The following TNNT3 variants were observed in gnomAD, a reference collection of about 807,000 sequenced individuals.
TNNT3 encodes the protein troponin T3, fast skeletal type.
In TNNT3, 36 loss-of-function variants were observed where a neutral mutation model predicts 54.2. The ratio of observed to expected loss-of-function variants is 0.66; its 90% CI spans 0.51 to 0.88. The LOEUF is 0.88. Ranked by LOEUF, TNNT3 falls within the 40% of genes least tolerant of loss-of-function variation. The pLI, the probability that TNNT3 is intolerant of heterozygous loss-of-function variation, is 0.00. For synonymous variants in TNNT3, 120 were observed against 109.7 expected, an observed-to-expected ratio of 1.09 and a Z score of -0.59; for missense variants, 291 against 331.6, an observed-to-expected ratio of 0.88 and a Z score of 0.95.
At chr11:1,928,083 AG>A (rs1485114002) in intron 6 of TNNT3, 1 of 153,314 alleles carries the variant, frequency 6.5e-6, no homozygotes, top group Admixed American at 6.5e-5. Context: ...ACCCCAGGCC[AG>A]GCACTGGCAA....
At position 1,926,592 on chromosome 11, in the gene TNNT3, T is replaced by A; in HGVS notation, c.68-103T>A. Reference sequence around the variant, plus strand: ...ACCCTGCACAGCCTGGCCTGCTCGCTCCGCCGCCTCGGCCCTGCCCGCCCT... The same window carrying A: ...ACCCTGCACAGCCTGGCCTGCTCGCACCGCCGCCTCGGCCCTGCCCGCCCT... On this transcript the variant is annotated intron_variant, in intron 5 of 15. Coordinates refer to ENST00000278317, the MANE Select transcript of TNNT3 (RefSeq NM_006757.4). 4 of 1,608,692 alleles carry A rather than the reference T, an allele frequency of 2.5e-6. No homozygotes were observed. The South Asian group carries it at 4.4e-5, about 18-fold the overall frequency.
chr11:1,937,685 ATTC>A (rs1855524084), intron 15 of TNNT3, among the ~76,000 whole-genome samples: 1 of 152,092 alleles, frequency 6.6e-6, no homozygotes, highest in South Asian at 2.1e-4. Context: ...GTTTTCTGGG[ATTC>A]TTCTCCCTCC....
chr11:1,934,568 A>G lies in TNNT3; in HGVS notation c.503A>G (p.Lys168Arg). Residue 168 changes from lysine (K) to arginine (R), a missense_variant, in exon 13 of 16, where the codon AAG (lysine) becomes AGG (arginine). Physicochemically the swap from Lys to Arg is conservative, Grantham distance 26. Coordinates refer to ENST00000278317, the MANE Select transcript of TNNT3 (RefSeq NM_006757.4). ...CAGGCTGACCAGAAGAGAGGCAAGA[A>G]GCAGACAGCCCGGGAAATGAAGAAG... Reference protein sequence around the residue: ...LAKADQKRGKKQTAREMKKKI... With the variant: ...LAKADQKRGKRQTAREMKKKI... 6.2e-7 allele frequency: 1 copy of G among 1,609,948 alleles called. No homozygotes were observed. The highest frequency in any genetic ancestry group is 8.5e-7 in the Non-Finnish European group (1 of 1,178,552).
chr11:1,931,060 G>A (rs940247355), intron 8 of TNNT3, among the ~76,000 whole-genome samples: 4 of 152,000 alleles, frequency 2.6e-5, no homozygotes, highest in Non-Finnish European at 4.4e-5. Context: ...CCGTCTCTAC[G>A]GCCTTGAATT....
chr11:1,930,943 T>A (rs1179882264), intron 8 of TNNT3, among the ~76,000 whole-genome samples: 1 of 152,174 alleles, frequency 6.6e-6, no homozygotes, highest in African/African-American at 2.4e-5. Flanking sequence ...CCAGCCAGAC[T>A]GTGGAAAAGA....
chr11:1,931,536 G>A (rs1410898377), intron 8 of TNNT3, among the ~76,000 whole-genome samples: 1 of 152,324 alleles, frequency 6.6e-6, no homozygotes, highest in South Asian at 2.1e-4. Context: ...CGGGGCCAGC[G>A]TTTCCCTGAG....
At chr11:1,923,008 C>G in intron 2 of TNNT3, 40 bp from the exon 3 acceptor site, 1 of 1,613,368 alleles carries the variant, frequency 6.2e-7, no homozygotes, top group Non-Finnish European at 8.5e-7. Flanking sequence ...AGCCTCACTA[C>G]CTCTCTCTCT....
chr11:1,930,860 T>G (rs980000122), intron 8 of TNNT3, among the ~76,000 whole-genome samples: 7 of 152,180 alleles, frequency 4.6e-5, no homozygotes, highest in Non-Finnish European at 2.9e-5. Flanking sequence ...ATAAGACACC[T>G]CATGAAAGAA....
At chr11:1,924,683 G>A (rs965359598) in intron 4 of TNNT3, among the ~76,000 whole-genome samples, 2 of 152,204 alleles carry the variant, frequency 1.3e-5, no homozygotes, top group Non-Finnish European at 2.9e-5. Flanking sequence ...TGCCAGCCTT[G>A]TTTCCGGGTG....
intron 7 of TNNT3, among the ~76,000 whole-genome samples, chr11:1,929,428 GC>G (rs1554888995): frequency 6.6e-6 from 1 of 152,080 alleles, no homozygotes; most frequent in African/African-American, 2.4e-5. Context: ...GGCCGGGCAC[GC>G]CCCCCTCCCC....
chr11:1,926,750 C>T (rs1263116295), intron 6 of TNNT3, 41 bp downstream of exon 6: 7 of 1,612,482 alleles, frequency 4.3e-6, no homozygotes, highest in African/African-American at 2.7e-5. Flanking sequence ...GAGTCTCCGT[C>T]CTCCCTTCTG....
intron 15 of TNNT3, among the ~76,000 whole-genome samples, chr11:1,937,553 G>A (rs1855484510): frequency 6.6e-6 from 1 of 152,186 alleles, no homozygotes; most frequent in African/African-American, 2.4e-5. Flanking sequence ...CCACCTGCAT[G>A]GGGCTGCACC....
intron 13 of TNNT3, 77 bp downstream of exon 13, chr11:1,934,732 A>C: frequency 6.3e-7 from 1 of 1,598,918 alleles, no homozygotes; most frequent in Non-Finnish European, 8.6e-7. Context: ...TCAGGCTGCC[A>C]AGGACCGTGC....
intron 5 of TNNT3, among the ~76,000 whole-genome samples, chr11:1,925,641 C>T (rs537980059): frequency 9.3e-4 from 142 of 152,118 alleles, no homozygotes; most frequent in African/African-American, 3.0e-3. Context: ...GTGGTGGCGT[C>T]GACCCCTGGG....
At chr11:1,936,176 C>T in intron 14 of TNNT3, 1 of 1,613,086 alleles carries the variant, frequency 6.2e-7, no homozygotes, top group Non-Finnish European at 8.5e-7. Context: ...GATGCCCCAG[C>T]CGCCCATCCA....
intron 9 of TNNT3, 147 bp downstream of exon 9, chr11:1,932,661 G>A: frequency 2.6e-6 from 2 of 764,010 alleles, no homozygotes; most frequent in Non-Finnish European, 2.3e-6. Context: ...TTATTCCTGG[G>A]CCAGAGGAAA....
intron 1 of TNNT3, among the ~76,000 whole-genome samples, chr11:1,921,776 A>G (rs1006618729): frequency 6.6e-6 from 1 of 152,154 alleles, no homozygotes; most frequent in Non-Finnish European, 1.5e-5. Flanking sequence ...GACCGTAGCT[A>G]TTGTCTTCGA....
chr11:1,934,253 A>G, intron 11 of TNNT3, 79 bp from the exon 12 acceptor site: 1 of 1,347,144 alleles, frequency 7.4e-7, no homozygotes, highest in East Asian at 2.4e-5. Flanking sequence ...CTCTAAGCCC[A>G]GGGTGGGTCC....
Position 1,933,933 on chromosome 11 carries a change from G to C in TNNT3, c.291G>C (p.Glu97Asp), listed in dbSNP as rs1200673949. 1.9e-6 allele frequency: 3 copies of C among 1,612,692 alleles called. No individual in the cohort carries two copies. The highest frequency in any genetic ancestry group is 2.5e-6 in the Non-Finnish European group (3 of 1,180,008). Residue 97 changes from glutamate to aspartate, a missense_variant and splice_region_variant, in exon 11 of 16, where the codon GAG (glutamate) becomes GAC (aspartate). Physicochemically the swap from Glu to Asp is conservative, Grantham distance 45 (BLOSUM62 2). Transcript: ENST00000278317. ...EELVALKERIEKRRAERAEQQ... is the reference protein window; with the variant it reads ...EELVALKERIDKRRAERAEQQ... ...CAGACCCCCTTCTCTGGCTGCAGGA[G>C]AAGCGCCGTGCAGAGAGAGCGGAGC...
Sources: allele counts gnomAD v4.1 joint callset (sites outside exome capture counted in the v4.1 genomes callset), GRCh38; gene constraint gnomAD v4.1.1; transcripts MANE v1.5; gene names NCBI Gene and HGNC (gene_info 2026-07-23, HGNC 2026-07-21).